Variants in SMAD2 observed in about 807,000 individuals in gnomAD.
SMAD2 encodes SMAD family member 2.
Under a neutral mutation model 64.4 loss-of-function variants are expected in SMAD2, and 8 were observed. The ratio of observed to expected loss-of-function variants is 0.12; its 90% CI spans 0.07 to 0.22. The LOEUF (loss-of-function observed/expected upper bound fraction) is 0.22, where lower values mean the gene tolerates loss of function less well. SMAD2 is among the 10% of genes least tolerant of loss of function. SMAD2 has a pLI of 1.00. For synonymous variants in SMAD2, 203 were observed against 195.8 expected (o/e 1.04, Z -0.31); for missense variants, 289 against 561.2 (o/e 0.51, Z 4.90).
intron 9 of SMAD2, 37 bp from the exon 10 acceptor site, chr18:47,845,521 G>T (rs1183507836): frequency 1.2e-6 from 2 of 1,600,134 alleles, no homozygotes; most frequent in East Asian, 2.2e-5. Flanking sequence ...TGTCAAAAGA[G>T]TATCATTATT....
chr18:47,848,462 A>G lies in SMAD2; in HGVS notation c.997+13T>C, dbSNP rs772205482. 61 of 1,587,860 alleles carry G rather than the reference A, an allele frequency of 3.8e-5. No individual in the cohort carries two copies. In the Admixed American group the frequency reaches 6.0e-4, roughly 16 times the overall value. ...CAGCATTTATTTTTCACAACAAGGA[A>G]AATAAAACATACCTATATGCCTTCT... On this transcript the variant is annotated intron_variant, in intron 8 of 10. Transcript: ENST00000262160.
In SMAD2 at chr18:47,862,360, G is replaced by A. The variant is rs530656098; in HGVS notation, c.730+2699C>T. ...AAATTTATTTTTTCAGAGCTTTGAA[G>A]GACCTAAGTCCCAAGACAAGGTGTC... On this transcript the variant is annotated intron_variant, in intron 6 of 10. Transcript: ENST00000262160. Among the ~76,000 whole-genome samples, 7 of 152,254 alleles carry A rather than the reference G, an allele frequency of 4.6e-5. 1 individual carries two copies. The South Asian group carries it at 1.4e-3, about 32-fold the overall frequency.
At chr18:47,927,894 G>A (rs775987441) in intron 1 of SMAD2, among the ~76,000 whole-genome samples, 1 of 152,170 alleles carries the variant, frequency 6.6e-6, no homozygotes, top group Non-Finnish European at 1.5e-5. Flanking sequence ...AGTGAACTCC[G>A]TCTCAAAATA....
At chr18:47,842,054 GGTT>G in intron 10 of SMAD2, 104 bp from the exon 11 acceptor site, 1 of 1,296,410 alleles carries the variant, frequency 7.7e-7, no homozygotes, top group Non-Finnish European at 1.1e-6. Flanking sequence ...GAAATTAAAA[GGTT>G]GTGTATATAA....
chr18:47,893,569 T>C (rs1226515342), intron 2 of SMAD2, among the ~76,000 whole-genome samples: 1 of 152,228 alleles, frequency 6.6e-6, no homozygotes, highest in Non-Finnish European at 1.5e-5. Flanking sequence ...TTTGAATAAT[T>C]CTGTTTAAGC....
intron 1 of SMAD2, among the ~76,000 whole-genome samples, chr18:47,924,075 C>T (rs1356506030): frequency 6.6e-6 from 1 of 151,844 alleles, no homozygotes; most frequent in Non-Finnish European, 1.5e-5. Context: ...ATGGTGAAAC[C>T]CCGTTTCTAT....
In SMAD2 at chr18:47,897,337, G is replaced by T. The variant is rs115944167; in HGVS notation, c.-53-528C>A. 7.3e-3 allele frequency among the ~76,000 whole-genome samples: 1,114 copies of T among 152,206 alleles called. 8 individuals carry two copies. Among genetic ancestry groups the T allele is most frequent in the African/African-American group, 0.025 (1,049 of 41,538 alleles). On this transcript the variant is annotated intron_variant, in intron 1 of 10. Coordinates refer to ENST00000262160, the MANE Select transcript of SMAD2 (RefSeq NM_005901.6). ...AAACATGGCAAACAGAGTCCGTGGA[G>T]AAAAGCTGTAGTCCGGTTTCACCTG...
chr18:47,896,910 C>T (rs913495991), intron 1 of SMAD2, 101 bp from the exon 2 acceptor site: 34 of 1,085,750 alleles, frequency 3.1e-5, no homozygotes, highest in African/African-American at 7.8e-5. Context: ...GATAGAAATT[C>T]GAATTATGAC....
intron 1 of SMAD2, among the ~76,000 whole-genome samples, chr18:47,915,424 A>T (rs970849109): frequency 1.3e-5 from 2 of 152,230 alleles, no homozygotes; most frequent in African/African-American, 4.8e-5. Context: ...TGACTAGCAC[A>T]GTTCACTGTC....
In SMAD2 at chr18:47,906,838, G is replaced by A. The variant is rs559938600; in HGVS notation, c.-53-10029C>T. Among the ~76,000 whole-genome samples, 6 of 151,690 alleles carry A rather than the reference G, an allele frequency of 4.0e-5. No individual in the cohort carries two copies. The East Asian group carries it at 1.2e-3, about 29-fold the overall frequency. On this transcript the variant is annotated intron_variant, in intron 1 of 10. Coordinates refer to ENST00000262160, the MANE Select transcript of SMAD2 (RefSeq NM_005901.6). ...CATCATTCCAATCTCTGCTTCCATC[G>A]TCACACTGCCTTCTCTTCTGTATTC... is the stretch of plus-strand genomic sequence containing the variant.
intron 6 of SMAD2, among the ~76,000 whole-genome samples, chr18:47,864,525 G>A (rs1387994130): frequency 6.6e-6 from 1 of 152,132 alleles, no homozygotes; most frequent in African/African-American, 2.4e-5. Flanking sequence ...GTTCTGCTGA[G>A]TTATACATTT....
chr18:47,863,027 CACTT>C (rs1364826003), intron 6 of SMAD2, among the ~76,000 whole-genome samples: 1 of 151,816 alleles, frequency 6.6e-6, no homozygotes, highest in Non-Finnish European at 1.5e-5. Context: ...CTTGTTCGTA[CACTT>C]ACTTATTATG....
intron 10 of SMAD2, among the ~76,000 whole-genome samples, chr18:47,842,560 T>A (rs1488347324): frequency 6.6e-6 from 1 of 151,350 alleles, no homozygotes; most frequent in Non-Finnish European, 1.5e-5. Flanking sequence ...CAGAAAAAAA[T>A]CAGGCCAAAA....
rs774784438 is a variant in SMAD2 at position 47,821,492 on chromosome 18, G to A, written c.*20335C>T. On this transcript the variant is annotated 3_prime_UTR_variant, in exon 11 of 11. Coordinates refer to ENST00000262160, the MANE Select transcript of SMAD2 (RefSeq NM_005901.6). ...GTTCCACGCAAGCAGGAAATTTCTCGTAATTTTTCCAAGAGCCATGTATTC... is the reference window on the plus strand; with the variant it reads ...GTTCCACGCAAGCAGGAAATTTCTCATAATTTTTCCAAGAGCCATGTATTC... 5.3e-5 allele frequency: 8 copies of A among 152,076 alleles called. No homozygotes were observed. The highest frequency in any genetic ancestry group is 1.4e-4 in the African/African-American group (6 of 41,418). The allele number at this position is 152,076 out of a possible 1,614,324, so 9.4% of individuals were successfully genotyped here.
chr18:47,885,158 C>T (rs945090730), intron 2 of SMAD2, among the ~76,000 whole-genome samples: 391 of 150,970 alleles, frequency 2.6e-3, no homozygotes, highest in Non-Finnish European at 4.4e-3. Flanking sequence ...CACACACACA[C>T]ACACACACAC....
rs567818555 is a variant in SMAD2 at position 47,835,083 on chromosome 18, A to G, written c.*6744T>C. On this transcript the variant is annotated 3_prime_UTR_variant, in exon 11 of 11. Coordinates refer to ENST00000262160, the MANE Select transcript of SMAD2 (RefSeq NM_005901.6). ...CAACTGCAGAACTGTTCTCATCTTA[A>G]TCGCTGTAGTTTTTCTTTCTTTACT... The G allele has an allele frequency of 4.6e-6, 1 of 218,898 alleles. No individual in the cohort carries two copies. Among genetic ancestry groups the G allele is most frequent in the Admixed American group, 5.8e-5 (1 of 17,262 alleles). The allele number at this position is 218,898 out of a possible 1,614,324, so 13.6% of individuals were successfully genotyped here.
At chr18:47,864,221 C>G (rs116375933) in intron 6 of SMAD2, among the ~76,000 whole-genome samples, 2 of 152,132 alleles carry the variant, frequency 1.3e-5, no homozygotes, top group African/African-American at 2.4e-5. Flanking sequence ...CTCCTAAACA[C>G]CCAAATGTAT....
At chr18:47,915,060 T>A (rs753065890) in intron 1 of SMAD2, among the ~76,000 whole-genome samples, 3 of 152,210 alleles carry the variant, frequency 2.0e-5, no homozygotes, top group Admixed American at 6.5e-5. Flanking sequence ...ATGGGGACTT[T>A]AATTACACAA....
At chr18:47,922,885 C>A (rs1447579466) in intron 1 of SMAD2, among the ~76,000 whole-genome samples, 1 of 152,126 alleles carries the variant, frequency 6.6e-6, no homozygotes, top group African/African-American at 2.4e-5. Context: ...TAGGTCGGCC[C>A]CCATGGAGAA....
Sources: allele counts gnomAD v4.1 joint callset (sites outside exome capture counted in the v4.1 genomes callset), GRCh38; gene constraint gnomAD v4.1.1; transcripts MANE v1.5; gene names NCBI Gene and HGNC (gene_info 2026-07-23, HGNC 2026-07-21).